The following ZNF682 variants were observed in gnomAD, a reference collection of about 807,000 sequenced individuals.
ZNF682 encodes zinc finger protein 682.
A neutral mutation model predicts 36.5 loss-of-function variants in ZNF682; 29 were observed. The observed-to-expected ratio is 0.80, with a 90% CI of 0.59 to 1.08. The LOEUF is 1.08. ZNF682 is among the 50% of genes least tolerant of loss of function. ZNF682 has a pLI of 0.00. For missense variants in ZNF682, 561 were observed against 579.7 expected (o/e 0.97, Z 0.33); for synonymous variants, 180 against 197.0 (o/e 0.91, Z 0.72).
intron 3 of ZNF682, among the ~76,000 whole-genome samples, chr19:20,008,634 G>C (rs188642345): frequency 2.0e-5 from 3 of 152,272 alleles, no homozygotes; most frequent in Middle Eastern, 3.4e-3. Flanking sequence ...GGGTCTCCTG[G>C]TGACCTAAAA....
intron 1 of ZNF682, 144 bp downstream of exon 1, chr19:20,039,199 G>C: frequency 7.0e-7 from 1 of 1,423,994 alleles, no homozygotes; most frequent in African/African-American, 1.4e-5. Context: ...GGAGGTGATC[G>C]ACGGCCGAGC....
Position 20,006,557 on chromosome 19 carries a change from A to G in ZNF682, c.945T>C (p.Cys315=), listed in dbSNP as rs1306068488. The G allele has an allele frequency of 6.2e-7, 1 of 1,614,110 alleles. No individual in the cohort carries two copies. ...TIHTGKKPYK[C]KECGKAFNHC... ...GGTTAAAGGCTTTCCCACATTCTTT[A>G]CATTTGTAGGGTTTCTTTCCAGTGT... Residue 315 remains cysteine, a synonymous_variant, in exon 4 of 4, where the codon TGT becomes TGC. Coordinates refer to ENST00000397165, the MANE Select transcript of ZNF682 (RefSeq NM_033196.3).
intron 3 of ZNF682, among the ~76,000 whole-genome samples, chr19:20,011,896 G>T (rs1240932041): frequency 1.3e-5 from 2 of 152,072 alleles, no homozygotes; most frequent in African/African-American, 4.8e-5. Flanking sequence ...AATTAGCCGG[G>T]CGTGGTGGCA....
chr19:20,038,828 T>TA (rs1401017346), intron 1 of ZNF682, among the ~76,000 whole-genome samples: 1 of 152,198 alleles, frequency 6.6e-6, no homozygotes, highest in African/African-American at 2.4e-5. Context: ...CTGCACTTTA[T>TA]AAAAAACTTT....
At chr19:20,027,927 A>G (rs867402131) in intron 1 of ZNF682, among the ~76,000 whole-genome samples, 17 of 152,202 alleles carry the variant, frequency 1.1e-4, no homozygotes, top group Admixed American at 7.9e-4. Flanking sequence ...TCACACACAC[A>G]AAAAGGCTGA....
At chr19:20,031,778 T>C (rs1447628638) in intron 1 of ZNF682, among the ~76,000 whole-genome samples, 1 of 151,974 alleles carries the variant, frequency 6.6e-6, no homozygotes, top group African/African-American at 2.4e-5. Context: ...CCATCTCTAC[T>C]AAAAATACAA....
chr19:20,038,819 T>C (rs1393629321), intron 1 of ZNF682, among the ~76,000 whole-genome samples: 5 of 152,224 alleles, frequency 3.3e-5, no homozygotes, highest in Non-Finnish European at 7.3e-5. Flanking sequence ...TGCTTCATCC[T>C]GCACTTTATA....
At chr19:20,033,117 A>G (rs1039812199) in intron 1 of ZNF682, among the ~76,000 whole-genome samples, 2 of 152,116 alleles carry the variant, frequency 1.3e-5, no homozygotes, top group Non-Finnish European at 2.9e-5. Flanking sequence ...AATACAAAAA[A>G]TTAGCCAGGC....
At chr19:20,015,825 G>GT (rs1478242874) in intron 3 of ZNF682, 3 of 397,952 alleles carry the variant, frequency 7.5e-6, no homozygotes, top group Non-Finnish European at 1.3e-5. Context: ...ACACAAAATG[G>GT]TAAGGCTGTA....
rs772280154 is a variant in ZNF682 at position 20,006,535 on chromosome 19, TA to T, written c.966del (p.Phe322LeufsTer40). ...TGTATAGTAAGTAGTGAGCAGTGGT[TA>T]AAGGCTTTCCCACATTCTTTACATT... ...PYKCKECGKA[F>X]NHCSLLTIHE... On this transcript the variant is annotated frameshift_variant, in exon 4 of 4. Coordinates refer to ENST00000397165, the MANE Select transcript of ZNF682 (RefSeq NM_033196.3). LOFTEE classifies it high-confidence loss of function. 7 of 1,614,116 alleles carry T rather than the reference TA, an allele frequency of 4.3e-6. No homozygotes were observed. Among genetic ancestry groups the T allele is most frequent in the Non-Finnish European group, 5.1e-6 (6 of 1,179,994 alleles).
At chr19:20,010,132 G>A (rs1303249977) in intron 3 of ZNF682, among the ~76,000 whole-genome samples, 1 of 151,962 alleles carries the variant, frequency 6.6e-6, no homozygotes, top group African/African-American at 2.4e-5. Flanking sequence ...TCTCAGACAA[G>A]CAACCACTAG....
downstream of ZNF682, among the ~76,000 whole-genome samples, chr19:20,003,356 A>C (rs2088183761): frequency 6.6e-6 from 1 of 152,110 alleles, no homozygotes; most frequent in Admixed American, 6.6e-5. Context: ...ATTTTGTAAA[A>C]ATTATTCCAA....
intron 1 of ZNF682, among the ~76,000 whole-genome samples, chr19:20,036,857 T>G (rs1473034371): frequency 6.8e-6 from 1 of 147,364 alleles, no homozygotes; most frequent in Non-Finnish European, 1.5e-5. Flanking sequence ...AGTTGGTGCA[T>G]GCCTATAGTC....
intron 3 of ZNF682, among the ~76,000 whole-genome samples, chr19:20,017,571 T>C (rs1459169549): frequency 6.6e-6 from 1 of 152,104 alleles, no homozygotes; most frequent in East Asian, 1.9e-4. Context: ...AAACAAATAT[T>C]GACAGAAGGT....
chr19:20,031,019 T>G (rs1244393434), intron 1 of ZNF682: 1 of 152,262 alleles, frequency 6.6e-6, no homozygotes, highest in Non-Finnish European at 1.5e-5. Context: ...CAACCTCAAA[T>G]GTCTCAAAGA....
At chr19:19,995,212 A>G (rs910737998), downstream of ZNF682, among the ~76,000 whole-genome samples, 1 of 152,248 alleles carries the variant, frequency 6.6e-6, no homozygotes, top group Non-Finnish European at 1.5e-5. Context: ...AATCAATATA[A>G]TAAGCAGATT....
chr19:20,008,665 AG>A (rs1329838467), intron 3 of ZNF682, among the ~76,000 whole-genome samples: 1 of 152,186 alleles, frequency 6.6e-6, no homozygotes, highest in Non-Finnish European at 1.5e-5. Flanking sequence ...TCCCTAAGGA[AG>A]GGTAAGCACA....
chr19:20,012,767 C>CAAAAAA (rs35481536), intron 3 of ZNF682, among the ~76,000 whole-genome samples: 2 of 83,736 alleles, frequency 2.4e-5, no homozygotes, highest in African/African-American at 4.7e-5. Flanking sequence ...GACTCCGTCT[C>CAAAAAA]AAAAAAAAAA....
intron 1 of ZNF682, chr19:20,031,006 C>A (rs1175161756): frequency 6.6e-6 from 1 of 152,250 alleles, no homozygotes; most frequent in Admixed American, 6.5e-5. Flanking sequence ...AGTCTGCACA[C>A]AACAACCTCA....
Sources: allele counts gnomAD v4.1 joint callset (sites outside exome capture counted in the v4.1 genomes callset), GRCh38; gene constraint gnomAD v4.1.1; transcripts MANE v1.5; gene names NCBI Gene and HGNC (gene_info 2026-07-23, HGNC 2026-07-21).